Variants in ERBB4 observed in about 807,000 individuals in gnomAD.
ERBB4 encodes the protein receptor tyrosine-protein kinase erbB-4.
A neutral mutation model predicts 158.0 loss-of-function variants in ERBB4; 42 were observed. The ratio of observed to expected loss-of-function variants is 0.27; its 90% confidence interval spans 0.21 to 0.34. The LOEUF (loss-of-function observed/expected upper bound fraction) is 0.34, where lower values mean the gene tolerates loss of function less well. Ranked by LOEUF, ERBB4 falls within the 10% of genes least tolerant of loss-of-function variation. ERBB4 has a pLI of 1.00. For missense variants in ERBB4, 1,333 were observed against 1,624.1 expected (o/e 0.82, Z 3.08); for synonymous variants, 583 against 558.7 (o/e 1.04, Z -0.61).
At chr2:211,655,805 C>T (rs1430605857) in intron 16 of ERBB4, among the ~76,000 whole-genome samples, 1 of 152,168 alleles carries the variant, frequency 6.6e-6, no homozygotes, top group Non-Finnish European at 1.5e-5. Flanking sequence ...ATAATTTTAC[C>T]TTGCTCGAAA....
At chr2:211,495,117 A>T (rs75531709) in intron 20 of ERBB4, among the ~76,000 whole-genome samples, 3,220 of 152,184 alleles carry the variant, frequency 0.021, 114 homozygotes, top group African/African-American at 0.071. Flanking sequence ...AAAAAAGTAT[A>T]ACTTAAATGT....
intron 1 of ERBB4, among the ~76,000 whole-genome samples, chr2:212,163,091 T>C (rs1035447836): frequency 1.3e-5 from 2 of 151,954 alleles, no homozygotes; most frequent in African/African-American, 2.4e-5. Flanking sequence ...GAATCTCTTA[T>C]CTATGAGAAA....
chr2:211,397,149 A>T (rs756726424), intron 25 of ERBB4, among the ~76,000 whole-genome samples: 1 of 152,152 alleles, frequency 6.6e-6, no homozygotes, highest in Non-Finnish European at 1.5e-5. Context: ...GCCCTCCCCG[A>T]GAGCTACCTG....
At chr2:211,754,125 G>A (rs112598627) in intron 4 of ERBB4, among the ~76,000 whole-genome samples, 2,906 of 152,170 alleles carry the variant, frequency 0.019, 90 homozygotes, top group African/African-American at 0.066. Context: ...CTCCCAAAGT[G>A]CTGGGATTAC....
chr2:212,110,315 C>T (rs1324078202), intron 2 of ERBB4, among the ~76,000 whole-genome samples: 1 of 152,178 alleles, frequency 6.6e-6, no homozygotes, highest in Non-Finnish European at 1.5e-5. Context: ...ATCCACCCGT[C>T]CCCAGTATAT....
At chr2:211,843,234 C>T (rs149661389) in intron 3 of ERBB4, among the ~76,000 whole-genome samples, 1 of 152,240 alleles carries the variant, frequency 6.6e-6, no homozygotes, top group East Asian at 1.9e-4. Flanking sequence ...TTTATCTTCT[C>T]CTAGAAATTG....
chr2:211,995,937 G>T (rs2082191604), intron 2 of ERBB4, among the ~76,000 whole-genome samples: 1 of 152,194 alleles, frequency 6.6e-6, no homozygotes, highest in Non-Finnish European at 1.5e-5. Flanking sequence ...AGCTAAAAAA[G>T]TGTTCAACAT....
chr2:211,490,343 A>G (rs1159046837), intron 20 of ERBB4, among the ~76,000 whole-genome samples: 1 of 151,996 alleles, frequency 6.6e-6, no homozygotes, highest in Non-Finnish European at 1.5e-5. Context: ...TAAGTTATAT[A>G]TTGAATTTAT....
intron 20 of ERBB4, among the ~76,000 whole-genome samples, chr2:211,496,729 A>T (rs543616785): frequency 2.4e-4 from 36 of 152,122 alleles, no homozygotes; most frequent in African/African-American, 8.4e-4. Context: ...GGTGGCCATG[A>T]TTATCTTTGG....
intron 1 of ERBB4, among the ~76,000 whole-genome samples, chr2:212,371,849 C>G (rs890242907): frequency 2.0e-5 from 3 of 152,046 alleles, no homozygotes; most frequent in Non-Finnish European, 4.4e-5. Flanking sequence ...GAAAAAAAAG[C>G]ATGAAAGTGA....
rs1046844409 is a variant in ERBB4 at position 211,679,076 on chromosome 2, A to G, written c.1598T>C (p.Ile533Thr). ...CCCATCATAGAGGTTACAAGACTCTATGCAGATCCTTCCTCTACTGAAGCG... is the reference window on the plus strand; with the variant it reads ...CCCATCATAGAGGTTACAAGACTCTGTGCAGATCCTTCCTCTACTGAAGCG... The part of the protein sequence containing the change: ...CRRFSRGRIC[I>T]ESCNLYDGEF... The change falls in exon 13 of 28, where the codon ATA (isoleucine) becomes ACA (threonine). Residue 533 changes from isoleucine (I) to threonine (T), a missense_variant. This residue lies in a region of ERBB4 where 245 missense variants were observed against 247.5 expected (regional missense o/e 0.99). Coordinates refer to ENST00000342788, the MANE Select transcript of ERBB4 (RefSeq NM_005235.3). 3.7e-6 allele frequency: 6 copies of G among 1,613,314 alleles called. No homozygotes were observed. Among genetic ancestry groups the G allele is most frequent in the Non-Finnish European group, 3.4e-6 (4 of 1,179,662 alleles).
At chr2:211,521,164 A>G (rs1396506867) in intron 20 of ERBB4, among the ~76,000 whole-genome samples, 1 of 152,184 alleles carries the variant, frequency 6.6e-6, no homozygotes, top group Non-Finnish European at 1.5e-5. Context: ...GTTGAAACCC[A>G]AGGTAGACTG....
chr2:211,682,348 T>C (rs1329922813), intron 12 of ERBB4, among the ~76,000 whole-genome samples: 2 of 152,140 alleles, frequency 1.3e-5, no homozygotes, highest in African/African-American at 4.8e-5. Context: ...AATTCTCCCT[T>C]CTTTCAACTT....
At chr2:212,112,345 C>A (rs1239962203) in intron 2 of ERBB4, among the ~76,000 whole-genome samples, 1 of 152,076 alleles carries the variant, frequency 6.6e-6, no homozygotes, top group Non-Finnish European at 1.5e-5. Context: ...TACCCACTGT[C>A]CCCAGCACTG....
intron 1 of ERBB4, among the ~76,000 whole-genome samples, chr2:212,257,076 C>G (rs1426777127): frequency 6.6e-6 from 1 of 151,986 alleles, no homozygotes; most frequent in African/African-American, 2.4e-5. Flanking sequence ...CCCAGCAGTC[C>G]CCAGTGTTTA....
At chr2:212,228,575 A>G (rs1166578447) in intron 1 of ERBB4, among the ~76,000 whole-genome samples, 1 of 152,176 alleles carries the variant, frequency 6.6e-6, no homozygotes, top group African/African-American at 2.4e-5. Context: ...GAATTATAAT[A>G]TTGGAGGGAG....
At chr2:211,969,048 A>T (rs1163866615) in intron 2 of ERBB4, among the ~76,000 whole-genome samples, 1 of 152,028 alleles carries the variant, frequency 6.6e-6, no homozygotes, top group Non-Finnish European at 1.5e-5. Flanking sequence ...AGCATTAAAA[A>T]CCACAGGACA....
chr2:211,986,763 CG>C (rs1344594178), intron 2 of ERBB4, among the ~76,000 whole-genome samples: 1 of 151,950 alleles, frequency 6.6e-6, no homozygotes, highest in East Asian at 1.9e-4. Flanking sequence ...GCATGGCATA[CG>C]GTGAAGGTTA....
chr2:211,926,089 A>T (rs553716933), intron 3 of ERBB4, among the ~76,000 whole-genome samples: 1 of 152,308 alleles, frequency 6.6e-6, no homozygotes, highest in South Asian at 2.1e-4. Flanking sequence ...TCAGTTGGCT[A>T]TAACTAGGAA....
Sources: gnomAD v4.1 joint callset for allele counts (sites outside exome capture counted in the v4.1 genomes callset) on GRCh38, gnomAD v4.1.1 for gene constraint, gnomAD v4.1.1 regional missense constraint, MANE v1.5 for transcripts, NCBI Gene and HGNC (gene_info 2026-07-23, HGNC 2026-07-21) for gene names.